SPAG9: variants seen among roughly 807,000 people sequenced by gnomAD.
The protein encoded by SPAG9 is C-Jun-amino-terminal kinase-interacting protein 4.
SPAG9 carries 35 observed loss-of-function variants against 166.5 expected under a neutral mutation model. That is an observed-to-expected ratio of 0.21 (90% CI 0.16 to 0.28). The LOEUF is 0.28. Ranked by LOEUF, SPAG9 falls within the 10% of genes least tolerant of loss-of-function variation. The pLI is 1.00. For missense variants in SPAG9, 1,235 were observed against 1,603.3 expected (o/e 0.77, Z 3.92); for synonymous variants, 534 against 565.5 (o/e 0.94, Z 0.79).
At chr17:51,030,145 C>G (rs185080276) in intron 6 of SPAG9, among the ~76,000 whole-genome samples, 319 of 152,282 alleles carry the variant, frequency 2.1e-3, no homozygotes, top group African/African-American at 7.0e-3. Flanking sequence ...ACCAAATGCA[C>G]CATGTGCTTA....
chr17:51,066,045 CAT>C (rs2047653943), intron 2 of SPAG9, among the ~76,000 whole-genome samples: 1 of 152,070 alleles, frequency 6.6e-6, no homozygotes, highest in Non-Finnish European at 1.5e-5. Context: ...AGCTTATAAA[CAT>C]GTACTAAAAT....
intron 1 of SPAG9, among the ~76,000 whole-genome samples, chr17:51,119,376 T>C (rs2049402725): frequency 6.6e-6 from 1 of 152,084 alleles, no homozygotes; most frequent in Non-Finnish European, 1.5e-5. Context: ...GAAACAAAAA[T>C]AGGACACATC....
chr17:51,043,573 A>T (rs891351522), intron 4 of SPAG9, among the ~76,000 whole-genome samples: 1 of 152,166 alleles, frequency 6.6e-6, no homozygotes, highest in Admixed American at 6.5e-5. Flanking sequence ...TCTGGACAAA[A>T]TAAAAAGTTG....
chr17:50,985,436 T>C (rs749924921), intron 23 of SPAG9, among the ~76,000 whole-genome samples: 34 of 152,308 alleles, frequency 2.2e-4, no homozygotes, highest in South Asian at 2.1e-4. Context: ...CATAACTTAA[T>C]AGGTATTGGT....
intron 3 of SPAG9, among the ~76,000 whole-genome samples, chr17:51,050,666 C>CATGTAT (rs1336760830): frequency 2.7e-5 from 4 of 150,276 alleles, no homozygotes. Context: ...CAAAAAAGAA[C>CATGTAT]AAAAATTATA....
intron 2 of SPAG9, among the ~76,000 whole-genome samples, chr17:51,077,053 G>GCTAGCTATCTATCTAT (rs2048021012): frequency 8.8e-6 from 1 of 113,188 alleles, no homozygotes; most frequent in African/African-American, 3.8e-5. Flanking sequence ...TAGCTATCTA[G>GCTAGCTATCTATCTAT]CTAGCTATCT....
intron 29 of SPAG9, among the ~76,000 whole-genome samples, chr17:50,969,815 A>G (rs1973641570): frequency 6.6e-6 from 1 of 152,070 alleles, no homozygotes. Context: ...GAGTCACCTC[A>G]AGCATCATTT....
intron 1 of SPAG9, among the ~76,000 whole-genome samples, chr17:51,101,566 TGAG>T: frequency 6.6e-6 from 1 of 151,988 alleles, no homozygotes; most frequent in East Asian, 1.9e-4. Context: ...AATTCAAAAT[TGAG>T]GAGTACATAA....
chr17:51,102,108 C>A (rs2048823219), intron 1 of SPAG9, among the ~76,000 whole-genome samples: 1 of 152,094 alleles, frequency 6.6e-6, no homozygotes, highest in Admixed American at 6.6e-5. Context: ...ATGGGCCATG[C>A]ACAGTGGCTC....
intron 2 of SPAG9, among the ~76,000 whole-genome samples, chr17:51,064,611 A>G (rs903788990): frequency 9.8e-5 from 15 of 152,348 alleles, no homozygotes; most frequent in African/African-American, 1.7e-4. Context: ...ATATTGTATG[A>G]TCCTATTATT....
At position 51,120,319 on chromosome 17, in the gene SPAG9, G is replaced by A. The variant is rs553651802; in HGVS notation, c.303+35C>T. On this transcript the variant is annotated intron_variant, in intron 1 of 29. Transcript: ENST00000262013. The surrounding 1 kb of genome is among the most constrained non-coding windows in gnomAD (Gnocchi z 4.7). ...CCCCGCCCCGGCCGCCCCCGGAGACGGATCCCGCGGCCCCCGCCCTGCCGC... is the reference window on the plus strand; with the variant it reads ...CCCCGCCCCGGCCGCCCCCGGAGACAGATCCCGCGGCCCCCGCCCTGCCGC... 6.8e-7 allele frequency: 1 copy of A among 1,479,752 alleles called. No homozygotes were observed. Among genetic ancestry groups the A allele is most frequent in the Non-Finnish European group, 9.0e-7 (1 of 1,111,216 alleles). 91.7% of individuals were successfully genotyped at this position (1,479,752 alleles called of 1,614,324 possible).
intron 6 of SPAG9, among the ~76,000 whole-genome samples, chr17:51,023,140 TG>T (rs2046008158): frequency 6.7e-6 from 1 of 148,682 alleles, no homozygotes; most frequent in Non-Finnish European, 1.5e-5. Context: ...GGCTTAGCAA[TG>T]TGTTTCACAC....
chr17:51,105,525 G>A (rs1044938878), intron 1 of SPAG9, among the ~76,000 whole-genome samples: 2 of 152,172 alleles, frequency 1.3e-5, no homozygotes, highest in Non-Finnish European at 2.9e-5. Context: ...TTTGCTGAAA[G>A]AGCAGCTTAA....
chr17:51,087,804 T>C (rs1477456674), intron 1 of SPAG9, among the ~76,000 whole-genome samples: 1 of 152,216 alleles, frequency 6.6e-6, no homozygotes, highest in Non-Finnish European at 1.5e-5. Context: ...GGTACAATCA[T>C]GGCTCACTGC....
At chr17:50,998,981 G>GTTA (rs2044806620) in intron 14 of SPAG9, among the ~76,000 whole-genome samples, 1 of 152,176 alleles carries the variant, frequency 6.6e-6, no homozygotes, top group Non-Finnish European at 1.5e-5. Flanking sequence ...AAACCGCAAG[G>GTTA]TTATGGCTGT....
At chr17:51,069,354 T>C (rs775158918) in intron 2 of SPAG9, among the ~76,000 whole-genome samples, 2 of 152,092 alleles carry the variant, frequency 1.3e-5, no homozygotes, top group Non-Finnish European at 2.9e-5. Flanking sequence ...CTAACATTCA[T>C]TGCTAATCAC....
At chr17:51,070,922 A>G (rs1394129490) in intron 2 of SPAG9, among the ~76,000 whole-genome samples, 2 of 152,220 alleles carry the variant, frequency 1.3e-5, no homozygotes, top group African/African-American at 4.8e-5. Flanking sequence ...CATAAAAATA[A>G]TAATGAAGAT....
intron 1 of SPAG9, 72 bp from the exon 2 acceptor site, chr17:51,079,776 G>A: frequency 9.4e-7 from 1 of 1,062,010 alleles, no homozygotes; most frequent in East Asian, 2.5e-5. Flanking sequence ...GTTATTTCTT[G>A]GAATCAATAA....
chr17:51,106,238 G>A (rs2144757605), intron 1 of SPAG9, among the ~76,000 whole-genome samples: 1 of 152,014 alleles, frequency 6.6e-6, no homozygotes, highest in South Asian at 2.1e-4. Context: ...AGGAATTCGA[G>A]GCTGCAGTGA....
Sources: gnomAD v4.1 joint callset for allele counts (sites outside exome capture counted in the v4.1 genomes callset) on GRCh38, gnomAD v4.1.1 for gene constraint, Gnocchi (gnomAD v3.1) non-coding constraint, MANE v1.5 for transcripts, NCBI Gene and HGNC (gene_info 2026-07-23, HGNC 2026-07-21) for gene names.